CSMD1: variants seen among roughly 807,000 people sequenced by gnomAD.
CSMD1 encodes CUB and sushi domain-containing protein 1.
Under a neutral mutation model 417.5 loss-of-function variants are expected in CSMD1, and 213 were observed. The ratio of observed to expected loss-of-function variants is 0.51; its 90% confidence interval spans 0.46 to 0.57. The LOEUF (loss-of-function observed/expected upper bound fraction) is 0.57, where lower values mean the gene tolerates loss of function less well. Ranked by LOEUF, CSMD1 falls within the 20% of genes least tolerant of loss-of-function variation. The pLI, the probability that CSMD1 is intolerant of heterozygous loss-of-function variation, is 0.00. For synonymous variants in CSMD1, 2,862 were observed against 1,736.8 expected (o/e 1.65, Z -16.11); for missense variants, 6,923 against 4,529.7 (o/e 1.53, Z -15.17).
At chr8:3,655,360 T>C (rs1323045139) in intron 7 of CSMD1, among the ~76,000 whole-genome samples, 1 of 152,226 alleles carries the variant, frequency 6.6e-6, no homozygotes, top group African/African-American at 2.4e-5. Context: ...TACAGCGAAT[T>C]TGGCAGTGAT....
intron 1 of CSMD1, among the ~76,000 whole-genome samples, chr8:4,896,815 G>C (rs1325623608): frequency 6.6e-6 from 1 of 151,948 alleles, no homozygotes; most frequent in Non-Finnish European, 1.5e-5. Flanking sequence ...GGGAAGTGCA[G>C]GGCTATCCAG....
At chr8:3,545,784 A>T (rs1436670339) in intron 10 of CSMD1, among the ~76,000 whole-genome samples, 1 of 152,244 alleles carries the variant, frequency 6.6e-6, no homozygotes, top group East Asian at 1.9e-4. Context: ...TTTGTTAAAA[A>T]AATAGTCACA....
chr8:3,619,359 G>A (rs1025408317), intron 7 of CSMD1, among the ~76,000 whole-genome samples: 4 of 144,782 alleles, frequency 2.8e-5, no homozygotes, highest in Non-Finnish European at 4.6e-5. Flanking sequence ...GAGCACGGTA[G>A]TTAATTTTTT....
intron 50 of CSMD1, among the ~76,000 whole-genome samples, chr8:3,040,181 T>C (rs1209041349): frequency 6.6e-6 from 1 of 152,074 alleles, no homozygotes; most frequent in East Asian, 1.9e-4. Flanking sequence ...GGAACGAACA[T>C]CCAAACTTTA....
chr8:4,122,360 A>G (rs1293317453), intron 3 of CSMD1, among the ~76,000 whole-genome samples: 5 of 152,198 alleles, frequency 3.3e-5, no homozygotes, highest in Non-Finnish European at 5.9e-5. Flanking sequence ...GATTTACTAT[A>G]TACTCAGTGC....
intron 10 of CSMD1, among the ~76,000 whole-genome samples, chr8:3,499,294 T>C (rs969937762): frequency 2.0e-5 from 3 of 152,186 alleles, no homozygotes; most frequent in African/African-American, 7.2e-5. Context: ...TGAGTAGCCT[T>C]GGCTGCAGGT....
chr8:4,047,339 C>G (rs909844571), intron 3 of CSMD1, among the ~76,000 whole-genome samples: 1 of 152,084 alleles, frequency 6.6e-6, no homozygotes, highest in South Asian at 2.1e-4. Context: ...GATCTTCTAC[C>G]CAAAGCCCTT....
intron 5 of CSMD1, among the ~76,000 whole-genome samples, chr8:3,759,467 T>C (rs956503629): frequency 1.3e-5 from 2 of 152,200 alleles, no homozygotes; most frequent in Non-Finnish European, 2.9e-5. Flanking sequence ...CTACAGCTGT[T>C]AGCCACACTT....
chr8:4,062,818 C>A (rs1222137952), intron 3 of CSMD1, among the ~76,000 whole-genome samples: 2 of 151,554 alleles, frequency 1.3e-5, no homozygotes, highest in East Asian at 3.9e-4. Context: ...GGATGTCTGA[C>A]TTTAGGTCTT....
chr8:3,363,928 G>A (rs1253251598), intron 20 of CSMD1, among the ~76,000 whole-genome samples: 1 of 152,112 alleles, frequency 6.6e-6, no homozygotes, highest in Non-Finnish European at 1.5e-5. Flanking sequence ...CTGGAATACG[G>A]GGCTCTTTTT....
intron 1 of CSMD1, among the ~76,000 whole-genome samples, chr8:4,829,466 G>T (rs1305937949): frequency 6.6e-6 from 1 of 152,128 alleles, no homozygotes; most frequent in African/African-American, 2.4e-5. Context: ...TTAAGGCCAG[G>T]TGCAGTGGCT....
At chr8:3,717,442 T>C (rs188720537) in intron 6 of CSMD1, among the ~76,000 whole-genome samples, 22 of 152,300 alleles carry the variant, frequency 1.4e-4, no homozygotes, top group African/African-American at 4.8e-4. Context: ...TTATCATTTA[T>C]TGTAACTGTG....
rs1019461816 is a variant in CSMD1, at chr8:4,132,104, G to C, written c.416-100005C>G. 2.6e-5 allele frequency among the ~76,000 whole-genome samples: 4 copies of C among 151,744 alleles called. No individual in the cohort carries two copies. The East Asian group carries it at 7.7e-4, about 29-fold the overall frequency. The stretch of plus-strand genomic sequence containing the variant: ...AAAAACAGGTAAAGAATCACATATG[G>C]ATCCCCAAAGTCTGTCTTGACAGTA... On this transcript the variant is annotated intron_variant, in intron 3 of 69. Transcript: ENST00000635120.
At chr8:4,455,943 A>AAAAAAAAAAAAAAAAAAAAAT (rs1247903234) in intron 2 of CSMD1, among the ~76,000 whole-genome samples, 1 of 137,986 alleles carries the variant, frequency 7.2e-6, no homozygotes, top group Non-Finnish European at 1.5e-5. Context: ...AAAAAAAAAA[A>AAAAAAAAAAAAAAAAAAAAAT]AAAAAAAAAA....
chr8:3,903,916 A>G (rs1053343693), intron 5 of CSMD1, among the ~76,000 whole-genome samples: 3 of 152,076 alleles, frequency 2.0e-5, no homozygotes, highest in African/African-American at 4.8e-5. Context: ...GCACACTACC[A>G]TGTACCTCTT....
intron 5 of CSMD1, among the ~76,000 whole-genome samples, chr8:3,819,104 TAGG>T (rs1297394030): frequency 6.6e-6 from 1 of 151,996 alleles, no homozygotes; most frequent in Non-Finnish European, 1.5e-5. Flanking sequence ...GAGAAAAGTG[TAGG>T]AGGAGATGGG....
chr8:3,507,243 G>T (rs939697017), intron 10 of CSMD1, among the ~76,000 whole-genome samples: 3 of 151,878 alleles, frequency 2.0e-5, no homozygotes, highest in African/African-American at 7.3e-5. Context: ...TATTTTTTTT[G>T]TAGAAGTAAA....
intron 4 of CSMD1, among the ~76,000 whole-genome samples, chr8:4,003,070 TA>T (rs1815819417): frequency 6.6e-6 from 1 of 152,132 alleles, no homozygotes; most frequent in African/African-American, 2.4e-5. Context: ...AGGGGGATAT[TA>T]TTTATACTTA....
intron 3 of CSMD1, among the ~76,000 whole-genome samples, chr8:4,033,584 G>C (rs1170044913): frequency 6.6e-6 from 1 of 152,178 alleles, no homozygotes; most frequent in Non-Finnish European, 1.5e-5. Flanking sequence ...TCCCTACAAT[G>C]TGTAAAACTA....
Sources: gnomAD v4.1 joint callset for allele counts (sites outside exome capture counted in the v4.1 genomes callset) on GRCh38, gnomAD v4.1.1 for gene constraint, MANE v1.5 for transcripts, NCBI Gene and HGNC (gene_info 2026-07-23, HGNC 2026-07-21) for gene names.